SAMMSON: variants seen among roughly 807,000 people sequenced by gnomAD.
The protein encoded by SAMMSON is long intergenic non-protein coding RNA 1212.
At chr3:70,147,291 A>G (rs971616475) in intron 4 of SAMMSON, among the ~76,000 whole-genome samples, 10 of 151,956 alleles carry the variant, frequency 6.6e-5, no homozygotes, top group Non-Finnish European at 1.5e-4. Flanking sequence ...ATTCAAGAAT[A>G]TTTTTTTGTA....
At chr3:70,248,333 G>A (rs1337974769) in intron 4 of SAMMSON, among the ~76,000 whole-genome samples, 2 of 152,094 alleles carry the variant, frequency 1.3e-5, no homozygotes, top group Admixed American at 6.6e-5. Flanking sequence ...CTCTGAAGGA[G>A]TTTATAAATG....
chr3:70,271,003 T>C (rs1701971305), intron 6 of SAMMSON, among the ~76,000 whole-genome samples: 1 of 151,984 alleles, frequency 6.6e-6, no homozygotes, highest in Non-Finnish European at 1.5e-5. Context: ...CTGCACATTC[T>C]GCACATGTAT....
intron 3 of SAMMSON, among the ~76,000 whole-genome samples, chr3:70,018,328 A>T (rs1234747221): frequency 3.3e-5 from 5 of 152,128 alleles, no homozygotes; most frequent in Non-Finnish European, 7.3e-5. Flanking sequence ...GTATGTGCTG[A>T]GGAATTTATC....
chr3:70,353,945 A>T lies in SAMMSON; in HGVS notation n.740-230A>T, dbSNP rs143696556. Among the ~76,000 whole-genome samples, 380 of 152,310 alleles carry T rather than the reference A, an allele frequency of 2.5e-3. 3 individuals are homozygous for T. Among genetic ancestry groups the T allele is most frequent in the African/African-American group, 8.7e-3 (362 of 41,580 alleles). ...GATATATGCTAAGGGATAAAAGCCA[A>T]TTTGAAAGGTTATCTACTATGTGAC... On this transcript the variant is annotated intron_variant and non_coding_transcript_variant, in intron 7 of 9. Coordinates refer to ENST00000642114, the Ensembl canonical transcript of SAMMSON.
intron 4 of SAMMSON, among the ~76,000 whole-genome samples, chr3:70,219,321 G>A (rs1701441562): frequency 6.6e-6 from 1 of 152,140 alleles, no homozygotes; most frequent in Non-Finnish European, 1.5e-5. Flanking sequence ...AAGTAGAATG[G>A]AATTAGTGTT....
downstream of SAMMSON, among the ~76,000 whole-genome samples, chr3:70,394,394 A>C (rs977519842): frequency 1.3e-4 from 20 of 152,142 alleles, 1 homozygote; most frequent in Non-Finnish European, 1.9e-4. Context: ...TATTGGAGCC[A>C]AAAGGAAAAA....
At chr3:70,236,275 C>T (rs1239826065) in intron 4 of SAMMSON, among the ~76,000 whole-genome samples, 1 of 152,204 alleles carries the variant, frequency 6.6e-6, no homozygotes, top group East Asian at 1.9e-4. Context: ...CCAGAGACAT[C>T]ACTTTGAGAC....
chr3:70,432,730 A>G (rs1460619278), intron 2 of SAMMSON, among the ~76,000 whole-genome samples: 1 of 152,066 alleles, frequency 6.6e-6, no homozygotes, highest in Non-Finnish European at 1.5e-5. Flanking sequence ...GTTTTGACAA[A>G]TGTACAATGA....
chr3:70,080,642 A>G (rs2106640852), intron 4 of SAMMSON, among the ~76,000 whole-genome samples: 1 of 150,984 alleles, frequency 6.6e-6, no homozygotes, highest in Non-Finnish European at 1.5e-5. Context: ...TGGCTACAGC[A>G]TTCTAAATGA....
At chr3:70,061,670 C>T (rs1492056) in intron 3 of SAMMSON, among the ~76,000 whole-genome samples, 1 of 151,962 alleles carries the variant, frequency 6.6e-6, no homozygotes, top group Non-Finnish European at 1.5e-5. Context: ...CTAAAATTTG[C>T]GTTTGCAACG....
chr3:70,063,585 A>G (rs2067198716), intron 3 of SAMMSON, among the ~76,000 whole-genome samples: 1 of 151,906 alleles, frequency 6.6e-6, no homozygotes, highest in Non-Finnish European at 1.5e-5. Context: ...CCGCAAACAG[A>G]TTTTCATCTG....
chr3:70,253,617 A>T (rs985264103), intron 6 of SAMMSON, among the ~76,000 whole-genome samples: 1 of 152,150 alleles, frequency 6.6e-6, no homozygotes, highest in African/African-American at 2.4e-5. Context: ...TAGCTAGTCA[A>T]GAGGCTAAGG....
intron 4 of SAMMSON, among the ~76,000 whole-genome samples, chr3:70,171,161 T>A (rs1254163051): frequency 6.6e-6 from 1 of 151,906 alleles, no homozygotes; most frequent in Non-Finnish European, 1.5e-5. Context: ...ACATTTTTTT[T>A]AATTTTACTT....
At chr3:70,149,505 AGCAGAAACTTG>A (rs1177931421) in intron 4 of SAMMSON, among the ~76,000 whole-genome samples, 1 of 152,084 alleles carries the variant, frequency 6.6e-6, no homozygotes, top group Admixed American at 6.6e-5. Context: ...GACCTACTGA[AGCAGAAACTTG>A]GCAGGGGGTA....
At chr3:70,216,244 A>G (rs1406588000) in intron 4 of SAMMSON, among the ~76,000 whole-genome samples, 2 of 150,374 alleles carry the variant, frequency 1.3e-5, no homozygotes, top group Non-Finnish European at 3.0e-5. Flanking sequence ...TAGAATATAT[A>G]TCAACATAAT....
chr3:70,261,077 A>G (rs1701861172), intron 6 of SAMMSON, among the ~76,000 whole-genome samples: 1 of 152,202 alleles, frequency 6.6e-6, no homozygotes, highest in Admixed American at 6.5e-5. Flanking sequence ...TTCAACGTTT[A>G]TTTAAAGTTC....
intron 3 of SAMMSON, among the ~76,000 whole-genome samples, chr3:70,037,324 C>A (rs561156670): frequency 6.6e-6 from 1 of 152,166 alleles, no homozygotes; most frequent in Admixed American, 6.6e-5. Context: ...CAAGCAGGGT[C>A]CTTCTCTAGA....
chr3:70,205,555 T>G (rs1701281710), intron 4 of SAMMSON: 1 of 152,098 alleles, frequency 6.6e-6, no homozygotes, highest in Non-Finnish European at 1.5e-5. Context: ...ATACGTTATT[T>G]TTTTTTGATC....
intron 7 of SAMMSON, among the ~76,000 whole-genome samples, chr3:70,297,563 C>A (rs1370947949): frequency 6.6e-6 from 1 of 151,950 alleles, no homozygotes; most frequent in Non-Finnish European, 1.5e-5. Flanking sequence ...CCCTGTGGAG[C>A]AATATGTATA....
Sources: gnomAD v4.1 joint callset for allele counts (sites outside exome capture counted in the v4.1 genomes callset) on GRCh38, gnomAD v4.1.1 for gene constraint, MANE v1.5 for transcripts, NCBI Gene and HGNC (gene_info 2026-07-23, HGNC 2026-07-21) for gene names.